FHOD3: variants seen among roughly 807,000 people sequenced by gnomAD.
The protein encoded by FHOD3 is formin homology 2 domain containing 3.
In FHOD3, 90 loss-of-function variants were observed where a neutral mutation model predicts 173.0. That is an observed-to-expected ratio of 0.52 (90% CI 0.44 to 0.62). FHOD3 has a LOEUF of 0.62. Ranked by LOEUF, FHOD3 falls within the 20% of genes least tolerant of loss-of-function variation. The pLI, the probability that FHOD3 is intolerant of heterozygous loss-of-function variation, is 0.00. For missense variants in FHOD3, 1,945 were observed against 2,034.7 expected (o/e 0.96, Z 0.85); for synonymous variants, 828 against 823.0 (o/e 1.01, Z -0.10).
At chr18:36,415,120 G>A (rs1334545754) in intron 3 of FHOD3, among the ~76,000 whole-genome samples, 3 of 152,160 alleles carry the variant, frequency 2.0e-5, no homozygotes, top group Non-Finnish European at 4.4e-5. Context: ...AAAGTGTGAG[G>A]CCTCTGTCGA....
chr18:36,751,578 T>G (rs1203113019), intron 24 of FHOD3, among the ~76,000 whole-genome samples: 1 of 152,208 alleles, frequency 6.6e-6, no homozygotes, highest in Non-Finnish European at 1.5e-5. Context: ...TTCTAGCTTT[T>G]GCCCATTCAG....
At chr18:36,742,886 C>T in intron 22 of FHOD3, 30 bp downstream of exon 22, 1 of 1,592,536 alleles carries the variant, frequency 6.3e-7, no homozygotes, top group Non-Finnish European at 8.5e-7. Context: ...CATCCTGTAG[C>T]CCCCCCTTGT....
intron 3 of FHOD3, among the ~76,000 whole-genome samples, chr18:36,430,007 C>T (rs1470826144): frequency 2.6e-5 from 4 of 152,232 alleles, no homozygotes; most frequent in South Asian, 2.1e-4. Flanking sequence ...CAAACCTCTG[C>T]GCTTCTCTCC....
At chr18:36,465,126 G>A (rs1280194507) in intron 3 of FHOD3, among the ~76,000 whole-genome samples, 2 of 152,080 alleles carry the variant, frequency 1.3e-5, no homozygotes, top group Non-Finnish European at 2.9e-5. Context: ...ACAAGAGTTC[G>A]AGACCAGCCT....
At chr18:36,726,813 TAC>T (rs1296370240) in intron 19 of FHOD3, among the ~76,000 whole-genome samples, 2 of 152,186 alleles carry the variant, frequency 1.3e-5, no homozygotes, top group Non-Finnish European at 2.9e-5. Flanking sequence ...TAGCTGGGAC[TAC>T]AGGCACGTGC....
At chr18:36,505,060 A>G (rs1359586447) in intron 4 of FHOD3, among the ~76,000 whole-genome samples, 3 of 152,232 alleles carry the variant, frequency 2.0e-5, no homozygotes, top group Non-Finnish European at 2.9e-5. Flanking sequence ...ACAAAGGGCA[A>G]TAAAATGGCA....
At chr18:36,678,524 CAAAAAAAAAAAAA>C (rs58064190) in intron 14 of FHOD3, among the ~76,000 whole-genome samples, 5 of 71,154 alleles carry the variant, frequency 7.0e-5, no homozygotes, top group Admixed American at 3.6e-4. Context: ...GACCCTGTCT[CAAAAAAAAAAAAA>C]AAAAAAAAAA....
intron 17 of FHOD3, among the ~76,000 whole-genome samples, chr18:36,695,205 AGCC>A (rs2039206608): frequency 6.6e-6 from 1 of 151,814 alleles, no homozygotes; most frequent in South Asian, 2.1e-4. Flanking sequence ...CAAAAAAATT[AGCC>A]GGGCGTGGTG....
intron 10 of FHOD3, among the ~76,000 whole-genome samples, chr18:36,643,406 G>A (rs2035468966): frequency 6.6e-6 from 1 of 151,976 alleles, no homozygotes. Flanking sequence ...AACTAAAAAT[G>A]TCTCCAGATG....
At chr18:36,636,760 G>A (rs1289763165) in intron 10 of FHOD3, among the ~76,000 whole-genome samples, 1 of 151,874 alleles carries the variant, frequency 6.6e-6, no homozygotes, top group Non-Finnish European at 1.5e-5. Flanking sequence ...CAGGGCCTGT[G>A]GGGTGCAGGT....
intron 10 of FHOD3, among the ~76,000 whole-genome samples, 170 bp downstream of exon 10, chr18:36,625,919 C>A (rs183718888): frequency 1.3e-5 from 2 of 151,874 alleles, no homozygotes; most frequent in East Asian, 3.9e-4. Context: ...GTGGATTTCC[C>A]ACACAGGGTG....
intron 5 of FHOD3, among the ~76,000 whole-genome samples, chr18:36,572,432 C>T (rs985303487): frequency 1.3e-5 from 2 of 152,080 alleles, no homozygotes; most frequent in Non-Finnish European, 2.9e-5. Flanking sequence ...ATCTATTTAG[C>T]GCCATCTCGT....
chr18:36,660,487 G>C (rs2036715746), intron 14 of FHOD3, among the ~76,000 whole-genome samples: 2 of 152,344 alleles, frequency 1.3e-5, no homozygotes, highest in Middle Eastern at 6.8e-3. Context: ...CAGAGTCCAA[G>C]AGAGATGACC....
chr18:36,612,788 G>T (rs991239433), intron 9 of FHOD3, among the ~76,000 whole-genome samples: 2 of 152,180 alleles, frequency 1.3e-5, no homozygotes, highest in Non-Finnish European at 2.9e-5. Context: ...ATCATATTTT[G>T]TAGCTCCCAT....
intron 3 of FHOD3, among the ~76,000 whole-genome samples, chr18:36,382,006 C>T (rs1429026581): frequency 6.6e-6 from 1 of 152,184 alleles, no homozygotes; most frequent in Non-Finnish European, 1.5e-5. Context: ...TGTGCATGTT[C>T]GTGGCCTGTG....
intron 1 of FHOD3, among the ~76,000 whole-genome samples, chr18:36,335,481 C>T (rs1306280772): frequency 4.9e-5 from 7 of 143,736 alleles, no homozygotes; most frequent in Admixed American, 1.4e-4. Context: ...GGCGACAGAG[C>T]GAGACTCCGT....
chr18:36,724,448 GC>G (rs1419473252), intron 19 of FHOD3, among the ~76,000 whole-genome samples: 1 of 152,220 alleles, frequency 6.6e-6, no homozygotes, highest in Admixed American at 6.5e-5. Context: ...TCTTCCCGAA[GC>G]TTTGGCAGTT....
At chr18:36,683,652 G>A (rs2038405115) in intron 15 of FHOD3, among the ~76,000 whole-genome samples, 1 of 152,182 alleles carries the variant, frequency 6.6e-6, no homozygotes, top group African/African-American at 2.4e-5. Context: ...TCTTTTTCCA[G>A]ACCAAGGCAC....
At position 36,740,184 on chromosome 18, in the gene FHOD3, G is replaced by A. The variant is rs1006395851; in HGVS notation, c.3577-472G>A. On this transcript the variant is annotated intron_variant, in intron 20 of 28. Transcript: ENST00000590592. The stretch of plus-strand genomic sequence containing the variant: ...TATGGATACCGTCATGATTTTTTCT[G>A]CAATCAGACTTAAGTTTAGTATTAC... Among the ~76,000 whole-genome samples the A allele has an allele frequency of 2.6e-5, 4 of 152,196 alleles. 1 individual carries two copies. Among genetic ancestry groups the A allele is most frequent in the African/African-American group, 9.6e-5 (4 of 41,502 alleles).
Sources: gnomAD v4.1 joint callset for allele counts (sites outside exome capture counted in the v4.1 genomes callset) on GRCh38, gnomAD v4.1.1 for gene constraint, MANE v1.5 for transcripts, NCBI Gene and HGNC (gene_info 2026-07-23, HGNC 2026-07-21) for gene names.